Variants in KHDRBS2 observed in about 807,000 individuals in gnomAD.
The protein encoded by KHDRBS2 is KH RNA binding domain containing, signal transduction associated 2.
KHDRBS2 carries 26 observed loss-of-function variants against 44.3 expected under a neutral mutation model. That is an observed-to-expected ratio of 0.59 (90% CI 0.43 to 0.81). The LOEUF (loss-of-function observed/expected upper bound fraction) is 0.81, where lower values mean the gene tolerates loss of function less well. KHDRBS2 is among the 40% of genes least tolerant of loss of function. The probability of loss-of-function intolerance (pLI) is 0.00; values close to 1 mark genes in which losing one functional copy is unlikely to be tolerated. For synonymous variants in KHDRBS2, 194 were observed against 151.1 expected, an observed-to-expected ratio of 1.28 and a Z score of -2.08; for missense variants, 476 against 433.1, an observed-to-expected ratio of 1.10 and a Z score of -0.88.
intron 4 of KHDRBS2, among the ~76,000 whole-genome samples, chr6:61,958,300 T>C (rs906586438): frequency 1.3e-5 from 2 of 152,144 alleles, no homozygotes; most frequent in African/African-American, 2.4e-5. Context: ...ATCCTGTATC[T>C]GTCAGGGTCA....
chr6:61,589,315 A>C, the KHDRBS2 span, among the ~76,000 whole-genome samples: 1 of 152,204 alleles, frequency 6.6e-6, no homozygotes, highest in Non-Finnish European at 1.5e-5. Context: ...GATGGTTCAG[A>C]TAATTCTAGC....
intron 6 of KHDRBS2, among the ~76,000 whole-genome samples, chr6:61,774,330 A>G (rs1233516431): frequency 1.3e-5 from 2 of 151,106 alleles, no homozygotes; most frequent in African/African-American, 4.9e-5. Flanking sequence ...TGAGCAGTGT[A>G]GTTCTCCTTG....
intron 4 of KHDRBS2, among the ~76,000 whole-genome samples, chr6:61,909,070 A>ATTT (rs201610192): frequency 0.015 from 2,166 of 145,388 alleles, 23 homozygotes; most frequent in African/African-American, 0.027. Flanking sequence ...TCATATATAG[A>ATTT]TTTTTTTTTT....
At chr6:61,580,298 G>T in the KHDRBS2 span, among the ~76,000 whole-genome samples, 1 of 152,134 alleles carries the variant, frequency 6.6e-6, no homozygotes, top group Non-Finnish European at 1.5e-5. Flanking sequence ...GATTATAAAT[G>T]CACCAATCAT....
At chr6:61,687,115 T>A (rs1432846424) in intron 8 of KHDRBS2, among the ~76,000 whole-genome samples, 1 of 151,744 alleles carries the variant, frequency 6.6e-6, no homozygotes, top group Non-Finnish European at 1.5e-5. Flanking sequence ...AGTTTATTAT[T>A]TTAAGATGCA....
At chr6:62,181,028 A>G (rs1453996784) in intron 1 of KHDRBS2, among the ~76,000 whole-genome samples, 1 of 7,750 alleles carries the variant, frequency 1.3e-4, no homozygotes, top group Non-Finnish European at 2.3e-4. Flanking sequence ...ACACTGCACA[A>G]AAAAAAAAAA....
At chr6:62,081,471 G>A (rs778267914) in intron 2 of KHDRBS2, among the ~76,000 whole-genome samples, 18 of 152,124 alleles carry the variant, frequency 1.2e-4, no homozygotes, top group Non-Finnish European at 7.4e-5. Flanking sequence ...AATTGTGAAT[G>A]ACATATGCTG....
chr6:62,097,008 C>G (rs1215149764), intron 2 of KHDRBS2, among the ~76,000 whole-genome samples: 1 of 151,626 alleles, frequency 6.6e-6, no homozygotes, highest in African/African-American at 2.4e-5. Flanking sequence ...TGGTCAGAAG[C>G]ATGTTTTTAA....
At chr6:62,262,153 A>T (rs991038117) in intron 1 of KHDRBS2, among the ~76,000 whole-genome samples, 3 of 151,604 alleles carry the variant, frequency 2.0e-5, no homozygotes, top group African/African-American at 7.3e-5. Flanking sequence ...ATCTTCTCTC[A>T]GTTCATTTTT....
intron 1 of KHDRBS2, among the ~76,000 whole-genome samples, chr6:62,184,610 A>G (rs1823047974): frequency 1.3e-5 from 2 of 151,818 alleles, no homozygotes; most frequent in Non-Finnish European, 3.0e-5. Context: ...TTAAAATACC[A>G]TTTAGAAATT....
chr6:62,058,156 A>C (rs1304360549), intron 2 of KHDRBS2, among the ~76,000 whole-genome samples: 2 of 151,878 alleles, frequency 1.3e-5, no homozygotes, highest in Non-Finnish European at 2.9e-5. Context: ...TAAGATAGGC[A>C]ATACAACTAC....
chr6:62,079,575 A>G, intron 2 of KHDRBS2, among the ~76,000 whole-genome samples: 1 of 152,092 alleles, frequency 6.6e-6, no homozygotes, highest in East Asian at 1.9e-4. Flanking sequence ...TGAATTTCAA[A>G]CAACAAAAAG....
At chr6:61,817,511 C>A (rs758501661) in intron 6 of KHDRBS2, among the ~76,000 whole-genome samples, 1 of 152,050 alleles carries the variant, frequency 6.6e-6, no homozygotes, top group Non-Finnish European at 1.5e-5. Context: ...ATCTAAATAT[C>A]TCTTTCTAAA....
intron 8 of KHDRBS2, among the ~76,000 whole-genome samples, chr6:61,696,099 A>G (rs1767870061): frequency 6.6e-6 from 1 of 152,040 alleles, no homozygotes; most frequent in East Asian, 1.9e-4. Context: ...CTCCTGTCTC[A>G]GCCTCTGGAG....
intron 6 of KHDRBS2, among the ~76,000 whole-genome samples, chr6:61,893,908 A>C: frequency 6.6e-6 from 1 of 152,226 alleles, no homozygotes; most frequent in East Asian, 1.9e-4. Context: ...TAATAAAAAA[A>C]AAAACATTTA....
chr6:62,177,205 G>T lies in KHDRBS2; in HGVS notation c.199C>A (p.Pro67Thr). 1 of 1,580,916 alleles carries T rather than the reference G, an allele frequency of 6.3e-7. No homozygotes were observed. Among genetic ancestry groups the T allele is most frequent in the Admixed American group, 1.7e-5 (1 of 59,302 alleles). The stretch of plus-strand genomic sequence containing the variant: ...AGTACCTTTGGATACTGCTTGACAG[G>T]AATCAGTACTCTTTCTGAGAGCTTT... ...NIKLSERVLIPVKQYPKFNFV... is the reference protein window; with the variant it reads ...NIKLSERVLITVKQYPKFNFV... Residue 67 changes from proline to threonine, a missense_variant, in exon 2 of 9, where the codon CCT becomes ACT. Physicochemically the swap from Pro to Thr is conservative, Grantham distance 38. Transcript: ENST00000281156.
At chr6:61,700,739 CTCAG>C (rs1458306174) in intron 7 of KHDRBS2, among the ~76,000 whole-genome samples, 6 of 125,042 alleles carry the variant, frequency 4.8e-5, no homozygotes, top group African/African-American at 1.1e-4. Flanking sequence ...CATTTACCTT[CTCAG>C]TTGGTAGAAG....
intron 7 of KHDRBS2, among the ~76,000 whole-genome samples, chr6:61,728,694 G>A (rs758049168): frequency 1.3e-5 from 2 of 152,100 alleles, no homozygotes; most frequent in Non-Finnish European, 2.9e-5. Flanking sequence ...TGCAGTATAT[G>A]ATTTCAAATG....
chr6:61,621,809 A>C, the KHDRBS2 span, among the ~76,000 whole-genome samples: 1 of 152,190 alleles, frequency 6.6e-6, no homozygotes, highest in South Asian at 2.1e-4. Flanking sequence ...CTCACATTTT[A>C]ACAGATTGGA....
Sources: allele counts gnomAD v4.1 joint callset (sites outside exome capture counted in the v4.1 genomes callset), GRCh38; gene constraint gnomAD v4.1.1; transcripts MANE v1.5; gene names NCBI Gene and HGNC (gene_info 2026-07-23, HGNC 2026-07-21).